The following SGMS2 variants were observed in gnomAD, a reference collection of about 807,000 sequenced individuals.
SGMS2 encodes sphingomyelin synthase 2.
Under a neutral mutation model 43.8 loss-of-function variants are expected in SGMS2, and 21 were observed. The observed-to-expected ratio is 0.48, with a 90% confidence interval of 0.34 to 0.69. The LOEUF (loss-of-function observed/expected upper bound fraction) is 0.69. Ranked by LOEUF, SGMS2 falls within the 30% of genes least tolerant of loss-of-function variation. SGMS2 has a pLI of 0.01. For missense variants in SGMS2, 384 were observed against 443.2 expected (o/e 0.87, Z 1.20); for synonymous variants, 167 against 160.6 (o/e 1.04, Z -0.30).
chr4:107,884,088 A>AT (rs2126090537), intron 2 of SGMS2, among the ~76,000 whole-genome samples: 1 of 73,144 alleles, frequency 1.4e-5, no homozygotes, highest in South Asian at 3.8e-4. Context: ...TAATGTTTTC[A>AT]ATTTTTTCTT....
intron 2 of SGMS2, among the ~76,000 whole-genome samples, chr4:107,883,884 C>T (rs1434791544): frequency 1.3e-5 from 2 of 152,042 alleles, no homozygotes; most frequent in Non-Finnish European, 2.9e-5. Flanking sequence ...AATAATTAGG[C>T]CAAGTATAAT....
chr4:107,890,760 G>A lies in SGMS2; in HGVS notation c.-244-4550G>A, dbSNP rs76980443. Among the ~76,000 whole-genome samples the A allele has an allele frequency of 8.8e-4, 133 of 151,494 alleles. 5 individuals carry two copies. In the East Asian group the frequency reaches 0.023, roughly 27 times the overall value. ...CTTTTAAATACAAACACATGTAAAC[G>A]TACAGACACACATCTTGGATGGTAG... On this transcript the variant is annotated intron_variant, in intron 2 of 6. Transcript: ENST00000690982.
chr4:107,847,748 A>G (rs1403724605), intron 1 of SGMS2, among the ~76,000 whole-genome samples: 2 of 152,216 alleles, frequency 1.3e-5, no homozygotes, highest in East Asian at 3.8e-4. Flanking sequence ...CTAAGAGTTT[A>G]TAGCTAATTC....
intron 1 of SGMS2, among the ~76,000 whole-genome samples, chr4:107,848,397 G>A (rs950573520): frequency 6.6e-6 from 1 of 152,134 alleles, no homozygotes; most frequent in Non-Finnish European, 1.5e-5. Context: ...CAGCTTTTGT[G>A]GGGACAGAAG....
chr4:107,894,602 C>T (rs1450629570), intron 2 of SGMS2, among the ~76,000 whole-genome samples: 1 of 152,084 alleles, frequency 6.6e-6, no homozygotes, highest in African/African-American at 2.4e-5. Flanking sequence ...TATTTTTATC[C>T]TTCAAATAAA....
intron 2 of SGMS2, among the ~76,000 whole-genome samples, chr4:107,887,982 A>G (rs943242968): frequency 1.1e-4 from 17 of 152,176 alleles, no homozygotes; most frequent in Non-Finnish European, 2.4e-4. Flanking sequence ...AGGGACCCAT[A>G]TGCTTGTCTT....
intron 1 of SGMS2, among the ~76,000 whole-genome samples, chr4:107,846,944 AC>A (rs1726862672): frequency 6.6e-6 from 1 of 152,030 alleles, no homozygotes; most frequent in Non-Finnish European, 1.5e-5. Context: ...TCCTTTGCCC[AC>A]TTTTTGATGG....
At chr4:107,847,144 T>G (rs915040959) in intron 1 of SGMS2, among the ~76,000 whole-genome samples, 22 of 151,696 alleles carry the variant, frequency 1.5e-4, no homozygotes, top group Admixed American at 8.5e-4. Context: ...AATTTTGGCT[T>G]TTATTGCCAT....
chr4:107,846,242 C>T (rs959524441), intron 1 of SGMS2, among the ~76,000 whole-genome samples: 1 of 141,426 alleles, frequency 7.1e-6, no homozygotes, highest in African/African-American at 2.7e-5. Context: ...AGGTATATCT[C>T]CTAATGCTAA....
At chr4:107,897,835 G>C (rs1730804110) in intron 3 of SGMS2, among the ~76,000 whole-genome samples, 1 of 152,146 alleles carries the variant, frequency 6.6e-6, no homozygotes, top group South Asian at 2.1e-4. Flanking sequence ...CCAGCTGAAT[G>C]AGGAATGTTG....
chr4:107,855,788 G>A (rs1386994490), intron 1 of SGMS2, among the ~76,000 whole-genome samples: 1 of 152,110 alleles, frequency 6.6e-6, no homozygotes, highest in Non-Finnish European at 1.5e-5. Flanking sequence ...GTGGGGTGTT[G>A]AAGTCCTCTA....
chr4:107,866,995 A>T (rs1306932258), intron 2 of SGMS2: 2 of 152,192 alleles, frequency 1.3e-5, no homozygotes, highest in African/African-American at 4.8e-5. Flanking sequence ...GGGCTTTGTC[A>T]TGGCACTATC....
intron 2 of SGMS2, chr4:107,867,020 T>A (rs1368771666): frequency 1.3e-5 from 2 of 152,186 alleles, no homozygotes; most frequent in Non-Finnish European, 2.9e-5. Context: ...TTTAAACTTC[T>A]TTAGCCATGG....
chr4:107,876,895 T>C (rs1291144512), intron 2 of SGMS2, among the ~76,000 whole-genome samples: 1 of 152,202 alleles, frequency 6.6e-6, no homozygotes, highest in Non-Finnish European at 1.5e-5. Context: ...TTGGGGAATA[T>C]AATGTTAAAC....
intron 2 of SGMS2, among the ~76,000 whole-genome samples, chr4:107,879,466 ATT>A (rs760276923): frequency 9.6e-6 from 1 of 103,772 alleles, no homozygotes; most frequent in Non-Finnish European, 2.2e-5. Context: ...TTGATGGGCT[ATT>A]TTTTTTTTTT....
At chr4:107,881,225 C>A (rs72888948) in intron 2 of SGMS2, among the ~76,000 whole-genome samples, 12,699 of 151,900 alleles carry the variant, frequency 0.084, 615 homozygotes, top group Middle Eastern at 0.12. Context: ...CAAACCTGTA[C>A]CCCCAATCTA....
chr4:107,861,140 G>T (rs939454249), intron 2 of SGMS2, among the ~76,000 whole-genome samples: 3 of 152,186 alleles, frequency 2.0e-5, no homozygotes, highest in African/African-American at 7.2e-5. Context: ...ACAATTAGTG[G>T]TAATTTAGCT....
At chr4:107,896,100 A>G (rs760364811) in intron 3 of SGMS2, 92 bp downstream of exon 3, 24 of 1,190,274 alleles carry the variant, frequency 2.0e-5, no homozygotes, top group Non-Finnish European at 2.7e-5. Context: ...TTTTTCCCCC[A>G]ATAAATTCAG....
At chr4:107,828,496 T>C (rs1187173212) in intron 1 of SGMS2, among the ~76,000 whole-genome samples, 1 of 152,244 alleles carries the variant, frequency 6.6e-6, no homozygotes, top group African/African-American at 2.4e-5. Context: ...GACAACTGTA[T>C]GTCACTAACA....
Sources: allele counts gnomAD v4.1 joint callset (sites outside exome capture counted in the v4.1 genomes callset), GRCh38; gene constraint gnomAD v4.1.1; transcripts MANE v1.5; gene names NCBI Gene and HGNC (gene_info 2026-07-23, HGNC 2026-07-21).